Variants in METTL24 observed in about 807,000 individuals in gnomAD.
METTL24 encodes probable methyltransferase-like protein 24.
A neutral mutation model predicts 32.7 loss-of-function variants in METTL24; 29 were observed. The ratio of observed to expected loss-of-function variants is 0.89; its 90% CI spans 0.66 to 1.21. The LOEUF is 1.21. METTL24 is among the 50% of genes most tolerant of loss of function. The pLI is 0.00. For synonymous variants in METTL24, 163 were observed against 179.5 expected, an observed-to-expected ratio of 0.91 and a Z score of 0.73; for missense variants, 439 against 468.1, an observed-to-expected ratio of 0.94 and a Z score of 0.57.
chr6:110,302,396 G>A (rs183926617), intron 3 of METTL24, among the ~76,000 whole-genome samples: 75 of 149,898 alleles, frequency 5.0e-4, no homozygotes, highest in African/African-American at 1.7e-3. Context: ...TGTTTTCAAG[G>A]AACAATATTG....
intron 1 of METTL24, among the ~76,000 whole-genome samples, chr6:110,334,364 T>C (rs1359104910): frequency 6.6e-6 from 1 of 152,040 alleles, no homozygotes; most frequent in Non-Finnish European, 1.5e-5. Flanking sequence ...GCAGAAATAA[T>C]GCATCCCAGA....
intron 4 of METTL24, among the ~76,000 whole-genome samples, chr6:110,256,845 C>G (rs1778394267): frequency 6.6e-6 from 1 of 152,222 alleles, no homozygotes; most frequent in Non-Finnish European, 1.5e-5. Context: ...GCCACTAAAA[C>G]CTTTCTGCCC....
intron 4 of METTL24, among the ~76,000 whole-genome samples, chr6:110,271,511 G>A (rs1196055961): frequency 6.6e-6 from 1 of 152,070 alleles, no homozygotes; most frequent in Non-Finnish European, 1.5e-5. Flanking sequence ...AAAAAATTCA[G>A]TGTGATGAAT....
chr6:110,352,593 CTTTT>C (rs75737659), intron 1 of METTL24, among the ~76,000 whole-genome samples: 2 of 145,658 alleles, frequency 1.4e-5, no homozygotes, highest in Non-Finnish European at 3.0e-5. Context: ...ATTTTCATAT[CTTTT>C]TTTTTTTTTT....
At chr6:110,350,511 G>C (rs1772573411) in intron 1 of METTL24, among the ~76,000 whole-genome samples, 1 of 151,002 alleles carries the variant, frequency 6.6e-6, no homozygotes, top group African/African-American at 2.4e-5. Context: ...TTTTTTTCCT[G>C]CAAGGTAACT....
chr6:110,271,531 T>C (rs1236235848), intron 4 of METTL24, among the ~76,000 whole-genome samples: 1 of 152,178 alleles, frequency 6.6e-6, no homozygotes, highest in Non-Finnish European at 1.5e-5. Flanking sequence ...TAAGGTTATA[T>C]TAATGGTGAG....
At chr6:110,356,307 G>T (rs955031188) in intron 1 of METTL24, among the ~76,000 whole-genome samples, 1 of 152,050 alleles carries the variant, frequency 6.6e-6, no homozygotes, top group African/African-American at 2.4e-5. Flanking sequence ...GCCCAGCGTG[G>T]TGGTGCACGC....
chr6:110,331,348 A>AG (rs940166932), intron 1 of METTL24, among the ~76,000 whole-genome samples: 2 of 144,610 alleles, frequency 1.4e-5, no homozygotes, highest in Non-Finnish European at 2.9e-5. Context: ...AATGCAGTGC[A>AG]GGAAAAAAAA....
chr6:110,262,523 G>C (rs1205322575), intron 4 of METTL24, among the ~76,000 whole-genome samples: 1 of 152,270 alleles, frequency 6.6e-6, no homozygotes, highest in Non-Finnish European at 1.5e-5. Context: ...ATTCACAGCT[G>C]AATTCTACCA....
intron 1 of METTL24, among the ~76,000 whole-genome samples, chr6:110,326,400 A>G (rs964587957): frequency 2.6e-5 from 4 of 152,200 alleles, no homozygotes; most frequent in African/African-American, 9.7e-5. Context: ...GAAGGCTTCC[A>G]TGTCATGTAA....
chr6:110,254,392 G>C (rs1413257306), intron 4 of METTL24: 1 of 152,292 alleles, frequency 6.6e-6, no homozygotes, highest in Non-Finnish European at 1.5e-5. Flanking sequence ...AGCACTTTGG[G>C]AGGCTGAGGC....
chr6:110,290,796 CTT>C (rs1255775975), intron 4 of METTL24, among the ~76,000 whole-genome samples: 1 of 152,112 alleles, frequency 6.6e-6, no homozygotes, highest in Non-Finnish European at 1.5e-5. Context: ...TTGTCAACCT[CTT>C]TTCCTAAGAG....
chr6:110,358,121 C>G lies in METTL24; in HGVS notation c.152G>C (p.Trp51Ser). The G allele has an allele frequency of 9.4e-7, 1 of 1,069,092 alleles. No individual in the cohort carries two copies. Among genetic ancestry groups the G allele is most frequent in the Non-Finnish European group, 1.1e-6 (1 of 884,890 alleles). The allele number at this position is 1,069,092 out of a possible 1,614,324, so 66.2% of individuals were successfully genotyped here. A position where few individuals can be genotyped will look rare whatever the true frequency, so the allele number is the denominator to read the frequency against. Residue 51 changes from tryptophan (W) to serine (S), a missense_variant, in exon 1 of 5, where the codon TGG (tryptophan) becomes TCG (serine). Coordinates refer to ENST00000338882, the MANE Select transcript of METTL24 (RefSeq NM_001123364.3). ...PTRSAPPGPA[W>S]RPPGPHLPPA... is the part of the protein sequence containing the mutation. ...CGGCAGGTGCGGCCCAGGTGGCCGCCAGGCCGGGCCCGGCGGGGCGCTGCG... is the reference window on the plus strand; with the variant it reads ...CGGCAGGTGCGGCCCAGGTGGCCGCGAGGCCGGGCCCGGCGGGGCGCTGCG...
In METTL24 at chr6:110,291,533, C is replaced by A. The variant is rs530383303; in HGVS notation, c.786+7389G>T. ...GTGTTTCTCTTTTTTTTCTTCATTG[C>A]AGATTTTTAAAAAAAACTTCTATTT... On this transcript the variant is annotated intron_variant, in intron 4 of 4. Coordinates refer to ENST00000338882, the MANE Select transcript of METTL24 (RefSeq NM_001123364.3). 3.3e-5 allele frequency among the ~76,000 whole-genome samples: 5 copies of A among 151,994 alleles called. No individual in the cohort carries two copies. In the South Asian group the frequency reaches 8.3e-4, roughly 25 times the overall value.
At chr6:110,340,583 G>C (rs1179547254) in intron 1 of METTL24, among the ~76,000 whole-genome samples, 1 of 152,192 alleles carries the variant, frequency 6.6e-6, no homozygotes, top group South Asian at 2.1e-4. Flanking sequence ...CCTTCATGAG[G>C]ATCATGAATA....
intron 1 of METTL24, among the ~76,000 whole-genome samples, chr6:110,331,361 A>T (rs112659869): frequency 4.0e-5 from 6 of 151,882 alleles, no homozygotes; most frequent in African/African-American, 1.5e-4. Flanking sequence ...AAAAAAAAAA[A>T]TTAAAGAAAT....
At chr6:110,320,532 T>C (rs1771913115) in intron 2 of METTL24, among the ~76,000 whole-genome samples, 1 of 152,202 alleles carries the variant, frequency 6.6e-6, no homozygotes, top group South Asian at 2.1e-4. Flanking sequence ...CTGGCTAAAA[T>C]GGCCCCGCAT....
At chr6:110,262,379 A>C (rs920856638) in intron 4 of METTL24, among the ~76,000 whole-genome samples, 11 of 152,216 alleles carry the variant, frequency 7.2e-5, no homozygotes, top group Admixed American at 4.6e-4. Flanking sequence ...GAAATGGATA[A>C]ATTCCTCGAC....
chr6:110,309,089 A>C (rs1771673407), intron 3 of METTL24, among the ~76,000 whole-genome samples: 1 of 152,204 alleles, frequency 6.6e-6, no homozygotes, highest in Non-Finnish European at 1.5e-5. Flanking sequence ...TTTTAAATGG[A>C]TGAATTGTAT....
Sources: gnomAD v4.1 joint callset for allele counts (sites outside exome capture counted in the v4.1 genomes callset) on GRCh38, gnomAD v4.1.1 for gene constraint, MANE v1.5 for transcripts, NCBI Gene and HGNC (gene_info 2026-07-23, HGNC 2026-07-21) for gene names.